Variants in DENND2B observed in about 807,000 individuals in gnomAD.
DENND2B encodes DENN domain-containing protein 2B.
Under a neutral mutation model 116.0 loss-of-function variants are expected in DENND2B, and 32 were observed. That is an observed-to-expected ratio of 0.28 (90% CI 0.21 to 0.37). The LOEUF (loss-of-function observed/expected upper bound fraction) is 0.37. Ranked by LOEUF, DENND2B falls within the 10% of genes least tolerant of loss-of-function variation. The pLI, the probability that DENND2B is intolerant of heterozygous loss-of-function variation, is 1.00. For missense variants in DENND2B, 1,276 were observed against 1,477.7 expected, an observed-to-expected ratio of 0.86 and a Z score of 2.24; for synonymous variants, 588 against 583.9, an observed-to-expected ratio of 1.01 and a Z score of -0.10.
chr11:8,694,156 A>G, intron 19 of DENND2B, 26 bp from the exon 20 acceptor site: 1 of 1,613,948 alleles, frequency 6.2e-7, no homozygotes, highest in Non-Finnish European at 8.5e-7. Flanking sequence ...GACAAGAGAG[A>G]ATGTTCAGTG....
At chr11:8,714,459 C>T in intron 7 of DENND2B, 151 bp downstream of exon 7, 1 of 671,674 alleles carries the variant, frequency 1.5e-6, no homozygotes, top group Admixed American at 2.9e-5. Context: ...CTGAAGGAAC[C>T]CATCCCAGAC....
chr11:8,801,196 G>A (rs116655870), intron 1 of DENND2B, among the ~76,000 whole-genome samples: 6,335 of 151,916 alleles, frequency 0.042, 245 homozygotes, highest in African/African-American at 0.1. Context: ...AGGCTCTTTT[G>A]ATTCAGCCAG....
Position 8,730,785 on chromosome 11 carries a change from A to C in DENND2B, c.505T>G (p.Ser169Ala). The change falls in exon 3 of 20, where the codon TCA becomes GCA. Residue 169 changes from serine to alanine, a missense_variant. This residue lies in a region of DENND2B where 856 missense variants were observed against 846.6 expected (regional missense o/e 1.01). Coordinates refer to ENST00000313726, the MANE Select transcript of DENND2B (RefSeq NM_213618.2). The surrounding 1 kb of genome is among the most constrained non-coding windows in gnomAD (Gnocchi z 4.1). The stretch of plus-strand genomic sequence containing the variant: ...GCCTCTCGGCGACCTTCCCATGCTG[A>C]TATCTTCTCCCGGATGCCCAGGCTG... ...AHSLGIREKI[S>A]AWEGRREASP... 6.2e-7 allele frequency: 1 copy of C among 1,612,930 alleles called. No homozygotes were observed. Among genetic ancestry groups the C allele is most frequent in the Non-Finnish European group, 8.5e-7 (1 of 1,179,956 alleles).
chr11:8,796,259 G>C (rs1459672191), intron 1 of DENND2B, among the ~76,000 whole-genome samples: 2 of 152,182 alleles, frequency 1.3e-5, no homozygotes, highest in African/African-American at 4.8e-5. Flanking sequence ...AAAGAAGTAT[G>C]GACCGGACAC....
chr11:8,864,978 C>T (rs1267914001), intron 2 of DENND2B, among the ~76,000 whole-genome samples: 1 of 152,252 alleles, frequency 6.6e-6, no homozygotes, highest in Admixed American at 6.5e-5. Flanking sequence ...CCCCTGCCTA[C>T]TCAAAGGAGT....
chr11:8,890,152 C>T (rs2064012601), intron 1 of DENND2B, among the ~76,000 whole-genome samples: 1 of 152,314 alleles, frequency 6.6e-6, no homozygotes, highest in African/African-American at 2.4e-5. Context: ...GGACCTCCAG[C>T]AAACTCCAAC....
chr11:8,896,887 C>A (rs183265428), intron 1 of DENND2B, among the ~76,000 whole-genome samples: 214 of 152,238 alleles, frequency 1.4e-3, no homozygotes, highest in Admixed American at 3.2e-3. Context: ...CAGGATATAA[C>A]TCCTTCCTAG....
chr11:8,772,149 A>ACACG (rs1479716376), intron 1 of DENND2B, among the ~76,000 whole-genome samples: 1 of 151,730 alleles, frequency 6.6e-6, no homozygotes, highest in Non-Finnish European at 1.5e-5. Context: ...ACACACACAC[A>ACACG]CACACACACA....
Position 8,730,221 on chromosome 11 carries a change from T to C in DENND2B, c.1069A>G (p.Ser357Gly), listed in dbSNP as rs1418764011. 1 of 1,613,142 alleles carries C rather than the reference T, an allele frequency of 6.2e-7. No homozygotes were observed. ...EAGPPPEREGSGSTKPGTPGN... is the reference protein window; with the variant it reads ...EAGPPPEREGGGSTKPGTPGN... ...GGGGTCCCGGGCTTAGTGGAACCACTGCCTTCCCTCTCTGGGGGTGGGCCC... is the reference window on the plus strand; with the variant it reads ...GGGGTCCCGGGCTTAGTGGAACCACCGCCTTCCCTCTCTGGGGGTGGGCCC... Residue 357 changes from serine (S) to glycine (G), a missense_variant, in exon 3 of 20, where the codon AGT (serine) becomes GGT (glycine). By Grantham distance (56) the Ser-to-Gly change is moderately conservative (BLOSUM62 0). This residue lies in a region of DENND2B where 856 missense variants were observed against 846.6 expected (regional missense o/e 1.01). Coordinates refer to ENST00000313726, the MANE Select transcript of DENND2B (RefSeq NM_213618.2). This position sits in a 1 kb window ranked among gnomAD's most constrained non-coding sequence, Gnocchi z 4.1.
At chr11:8,804,737 G>T (rs909362227) in intron 1 of DENND2B, among the ~76,000 whole-genome samples, 3 of 151,820 alleles carry the variant, frequency 2.0e-5, no homozygotes, top group Admixed American at 1.3e-4. Flanking sequence ...TAGAGACAGG[G>T]TTTTACCATA....
chr11:8,846,107 CACAG>C (rs1444927075), intron 3 of DENND2B, among the ~76,000 whole-genome samples: 2 of 152,178 alleles, frequency 1.3e-5, no homozygotes, highest in East Asian at 1.9e-4. Context: ...CACAGAGCAA[CACAG>C]ACAGGGACGT....
chr11:8,784,161 T>C (rs2058666318), intron 1 of DENND2B: 1 of 150,870 alleles, frequency 6.6e-6, no homozygotes, highest in Non-Finnish European at 1.5e-5. Flanking sequence ...CTCATACACA[T>C]TCAGAAGGCC....
Position 8,730,842 on chromosome 11 carries a change from CGCCCCGGGGGCCAGCTGCTG to C in DENND2B, c.428_447del (p.Pro143ArgfsTer50). 6.2e-7 allele frequency: 1 copy of C among 1,613,316 alleles called. No individual in the cohort carries two copies. The highest frequency in any genetic ancestry group is 8.5e-7 in the Non-Finnish European group (1 of 1,179,960). On this transcript the variant is annotated frameshift_variant, in exon 3 of 20. Transcript: ENST00000313726. LOFTEE classifies it high-confidence loss of function. This position sits in a 1 kb window ranked among gnomAD's most constrained non-coding sequence, Gnocchi z 4.1. ...CGGGTACCGGTACGGGTCAGCAAGA[CGCCCCGGGGGCCAGCTGCTG>C]GCCCCGGGAATGGCGTGCTCTGGGC...
At chr11:8,718,486 C>T in intron 4 of DENND2B, 1 of 1,478,462 alleles carries the variant, frequency 6.8e-7, no homozygotes, top group South Asian at 1.3e-5. Context: ...ACTGAGGCAA[C>T]CTCGGAACGG....
chr11:8,697,278 G>A (rs2040533714), intron 17 of DENND2B, among the ~76,000 whole-genome samples: 1 of 152,266 alleles, frequency 6.6e-6, no homozygotes, highest in African/African-American at 2.4e-5. Flanking sequence ...GCAATGGCTT[G>A]AGGCAAGGCC....
chr11:8,870,361 G>A (rs2134706989), intron 2 of DENND2B, among the ~76,000 whole-genome samples: 1 of 152,290 alleles, frequency 6.6e-6, no homozygotes, highest in South Asian at 2.1e-4. Context: ...ACTAGAGTGT[G>A]GACCCTTTAA....
At chr11:8,836,493 C>A (rs2062433034) in intron 4 of DENND2B, among the ~76,000 whole-genome samples, 2 of 145,588 alleles carry the variant, frequency 1.4e-5, no homozygotes, top group Admixed American at 1.4e-4. Flanking sequence ...GCAATCTCAG[C>A]TCACTGCAAC....
chr11:8,838,755 G>T (rs1484831093), intron 4 of DENND2B, among the ~76,000 whole-genome samples: 9 of 152,184 alleles, frequency 5.9e-5, no homozygotes, highest in Admixed American at 4.6e-4. Context: ...GTCTAAATGG[G>T]AATGTTATCT....
chr11:8,718,682 G>A, intron 4 of DENND2B: 1 of 1,211,320 alleles, frequency 8.3e-7, no homozygotes, highest in Non-Finnish European at 1.0e-6. Context: ...TGGGCCAAAG[G>A]GTGGGGGTGA....
Sources: gnomAD v4.1 joint callset for allele counts (sites outside exome capture counted in the v4.1 genomes callset) on GRCh38, gnomAD v4.1.1 for gene constraint, gnomAD v4.1.1 regional missense constraint, Gnocchi (gnomAD v3.1) non-coding constraint, MANE v1.5 for transcripts, NCBI Gene and HGNC (gene_info 2026-07-23, HGNC 2026-07-21) for gene names.